ATP2B2: variants seen among roughly 807,000 people sequenced by gnomAD.
ATP2B2 encodes the protein ATPase plasma membrane Ca2+ transporting 2, also known as plasma membrane calcium-transporting ATPase 2.
Under a neutral mutation model 120.0 loss-of-function variants are expected in ATP2B2, and 15 were observed. The ratio of observed to expected loss-of-function variants is 0.12; its 90% CI spans 0.08 to 0.19. ATP2B2 has a LOEUF of 0.19. Ranked by LOEUF, ATP2B2 falls within the 10% of genes least tolerant of loss-of-function variation. The probability of loss-of-function intolerance (pLI) is 1.00; values close to 1 mark genes in which losing one functional copy is unlikely to be tolerated. For synonymous variants in ATP2B2, 694 were observed against 700.3 expected (o/e 0.99, Z 0.14); for missense variants, 1,045 against 1,719.8 (o/e 0.61, Z 6.94).
Position 10,386,498 on chromosome 3 carries a change from C to A in ATP2B2, c.922G>T (p.Asp308Tyr). The A allele has an allele frequency of 1.9e-6, 3 of 1,614,178 alleles. No individual in the cohort carries two copies. The highest frequency in any genetic ancestry group is 2.5e-6 in the Non-Finnish European group (3 of 1,180,006). Reference protein sequence around the residue: ...KKDKKGVKKGDGLQLPAADGA... With the variant: ...KKDKKGVKKGYGLQLPAADGA... Reference sequence around the variant, plus strand: ...ACTGTACCTGGTAGCTGAAGGCCATCCCCCTTCTTCACACCTGTGTGATGA... The same window carrying A: ...ACTGTACCTGGTAGCTGAAGGCCATACCCCTTCTTCACACCTGTGTGATGA... Residue 308 changes from aspartate to tyrosine, a missense_variant, in exon 7 of 23, where the codon GAT becomes TAT. This residue lies in a region of ATP2B2 where 145 missense variants were observed against 202.0 expected (regional missense o/e 0.72). Coordinates refer to ENST00000360273, the MANE Select transcript of ATP2B2 (RefSeq NM_001001331.4).
chr3:10,466,151 C>T (rs575491368), intron 1 of ATP2B2, among the ~76,000 whole-genome samples: 21 of 152,324 alleles, frequency 1.4e-4, no homozygotes, highest in African/African-American at 4.1e-4. Context: ...CCAGGATAGT[C>T]TGTGTCAATG....
chr3:10,484,764 C>T (rs2125332963), intron 1 of ATP2B2, among the ~76,000 whole-genome samples: 1 of 152,324 alleles, frequency 6.6e-6, no homozygotes, highest in East Asian at 1.9e-4. Flanking sequence ...ACACCAGAGG[C>T]CCATGATATA....
intron 3 of ATP2B2, among the ~76,000 whole-genome samples, chr3:10,529,050 C>T (rs1015356772): frequency 3.3e-5 from 5 of 152,178 alleles, no homozygotes; most frequent in African/African-American, 9.7e-5. Context: ...CCCAGCCAAG[C>T]GGGGGTGATG....
chr3:10,686,014 C>T lies in ATP2B2; in HGVS notation c.-460+21901G>A, dbSNP rs2071510473. On this transcript the variant is annotated intron_variant, in intron 1 of 21. Coordinates refer to the ATP2B2 transcript ENST00000646379. Reference sequence around the variant, plus strand: ...ATGCTTATTCCAGCTCGTCTTTCTTCCTGGTTCCCTGTCTTTCTTTCCTCC... The same window carrying T: ...ATGCTTATTCCAGCTCGTCTTTCTTTCTGGTTCCCTGTCTTTCTTTCCTCC... 2.0e-5 allele frequency among the ~76,000 whole-genome samples: 3 copies of T among 149,802 alleles called. No homozygotes were observed. In the South Asian group the frequency reaches 6.5e-4, roughly 32 times the overall value.
intron 12 of ATP2B2, 131 bp from the exon 13 acceptor site, chr3:10,360,254 C>T: frequency 1.4e-6 from 2 of 1,432,208 alleles, no homozygotes; most frequent in Admixed American, 2.8e-5. Context: ...CTCAGGGAGC[C>T]CTTGGCCCAT....
chr3:10,607,170 G>C (rs1342974012), intron 2 of ATP2B2, among the ~76,000 whole-genome samples: 1 of 152,134 alleles, frequency 6.6e-6, no homozygotes, highest in African/African-American at 2.4e-5. Flanking sequence ...GGTTGACCAC[G>C]TACTGGCTGT....
At chr3:10,450,463 A>G (rs902810798) in intron 1 of ATP2B2, among the ~76,000 whole-genome samples, 2 of 151,864 alleles carry the variant, frequency 1.3e-5, no homozygotes, top group East Asian at 1.9e-4. Flanking sequence ...TGTGTCCACC[A>G]ATACACTCTT....
intron 2 of ATP2B2, among the ~76,000 whole-genome samples, chr3:10,448,463 A>C (rs763313160): frequency 7.9e-5 from 12 of 152,164 alleles, no homozygotes; most frequent in Non-Finnish European, 1.5e-4. Context: ...AACTTGTGGC[A>C]GGTAACCCAA....
At chr3:10,669,734 G>A (rs929697443) in intron 1 of ATP2B2, among the ~76,000 whole-genome samples, 1 of 152,160 alleles carries the variant, frequency 6.6e-6, no homozygotes, top group African/African-American at 2.4e-5. Context: ...GAGCCCTGGA[G>A]GTGAGTCCTC....
intron 1 of ATP2B2, among the ~76,000 whole-genome samples, chr3:10,656,739 T>A (rs1178440673): frequency 6.6e-6 from 1 of 152,204 alleles, no homozygotes; most frequent in Non-Finnish European, 1.5e-5. Context: ...ATGTTACAAG[T>A]GTTTTGAAGG....
intron 14 of ATP2B2, among the ~76,000 whole-genome samples, chr3:10,358,313 G>A (rs2060798533): frequency 6.6e-6 from 1 of 152,194 alleles, no homozygotes; most frequent in Non-Finnish European, 1.5e-5. Context: ...ATCCATGTTT[G>A]TGGATTTGTT....
intron 1 of ATP2B2, among the ~76,000 whole-genome samples, chr3:10,492,175 T>C (rs1295779944): frequency 6.6e-6 from 1 of 151,440 alleles, no homozygotes; most frequent in Non-Finnish European, 1.5e-5. Flanking sequence ...CTGGCCACCC[T>C]GTGGGTTGGG....
At chr3:10,350,234 G>T (rs1250505370) in intron 15 of ATP2B2, 35 bp from the exon 16 acceptor site, 4 of 1,580,482 alleles carry the variant, frequency 2.5e-6, no homozygotes, top group South Asian at 2.2e-5. Flanking sequence ...GGGTCGGTGG[G>T]GTCGGGGAGA....
intron 1 of ATP2B2, among the ~76,000 whole-genome samples, chr3:10,704,233 A>G (rs1266002910): frequency 6.6e-6 from 1 of 152,224 alleles, no homozygotes; most frequent in Non-Finnish European, 1.5e-5. Context: ...AATGATGATA[A>G]TATCACCTAC....
At chr3:10,553,423 A>T (rs1327257941) in intron 2 of ATP2B2, among the ~76,000 whole-genome samples, 2 of 151,976 alleles carry the variant, frequency 1.3e-5, no homozygotes, top group African/African-American at 2.4e-5. Context: ...GGGAAGAACA[A>T]TGGGATTGAG....
At chr3:10,546,583 C>A (rs998424689) in intron 2 of ATP2B2, among the ~76,000 whole-genome samples, 2 of 152,202 alleles carry the variant, frequency 1.3e-5, no homozygotes, top group African/African-American at 4.8e-5. Flanking sequence ...CATTCCAGAC[C>A]CTGACTTGGG....
At chr3:10,560,662 G>A (rs1309421247) in intron 2 of ATP2B2, among the ~76,000 whole-genome samples, 1 of 152,034 alleles carries the variant, frequency 6.6e-6, no homozygotes, top group East Asian at 1.9e-4. Flanking sequence ...CACCTCCTTT[G>A]CCAGCTCGCC....
chr3:10,332,154 A>C lies in ATP2B2; in HGVS notation c.3421-3029T>G, dbSNP rs2059997820. 2.6e-5 allele frequency: 22 copies of C among 839,290 alleles called. No homozygotes were observed. The South Asian group carries it at 3.0e-4, about 12-fold the overall frequency. The allele number at this position is 839,290 out of a possible 1,614,324, so 52.0% of individuals were successfully genotyped here. A position where few individuals can be genotyped will look rare whatever the true frequency, so the allele number is the denominator to read the frequency against. ...CACTAAATTAGTTACCAAAACGCTA[A>C]TGAGAAGTCCAGCTTTCTTCCCTTT... is the stretch of plus-strand genomic sequence containing the variant. On this transcript the variant is annotated intron_variant, in intron 22 of 22. Coordinates refer to ENST00000360273, the MANE Select transcript of ATP2B2 (RefSeq NM_001001331.4).
intron 1 of ATP2B2, among the ~76,000 whole-genome samples, chr3:10,691,151 C>T (rs1481472073): frequency 1.3e-5 from 2 of 152,204 alleles, no homozygotes; most frequent in Admixed American, 6.5e-5. Context: ...TGACCTGGCC[C>T]CTTGCAGGCT....
Sources: allele counts gnomAD v4.1 joint callset (sites outside exome capture counted in the v4.1 genomes callset), GRCh38; gene constraint gnomAD v4.1.1; regional missense constraint gnomAD v4.1.1; transcripts MANE v1.5; gene names NCBI Gene and HGNC (gene_info 2026-07-23, HGNC 2026-07-21).